Variants in DSCAM observed in about 807,000 individuals in gnomAD.
DSCAM encodes DS cell adhesion molecule, also known as cell adhesion molecule DSCAM.
Under a neutral mutation model 217.7 loss-of-function variants are expected in DSCAM, and 47 were observed. The observed-to-expected ratio is 0.22, with a 90% CI of 0.17 to 0.28. The LOEUF (loss-of-function observed/expected upper bound fraction) is 0.28. Ranked by LOEUF, DSCAM falls within the 10% of genes least tolerant of loss-of-function variation. The probability of loss-of-function intolerance (pLI) is 1.00; values close to 1 mark genes in which losing one functional copy is unlikely to be tolerated. For missense variants in DSCAM, 2,080 were observed against 2,618.3 expected (o/e 0.79, Z 4.49); for synonymous variants, 1,056 against 1,015.3 (o/e 1.04, Z -0.76).
chr21:40,242,338 T>C (rs1300194638), intron 11 of DSCAM, among the ~76,000 whole-genome samples: 8 of 152,204 alleles, frequency 5.3e-5, no homozygotes, highest in African/African-American at 1.7e-4. Flanking sequence ...GGGAAACTTG[T>C]TCTGCCTGGT....
chr21:40,384,943 C>T (rs1013561944), intron 3 of DSCAM: 4 of 152,140 alleles, frequency 2.6e-5, no homozygotes, highest in Non-Finnish European at 5.9e-5. Flanking sequence ...GTGTAATTTG[C>T]TTTATTTATT....
At chr21:40,548,333 AG>A (rs1472247552) in intron 3 of DSCAM, among the ~76,000 whole-genome samples, 1 of 152,036 alleles carries the variant, frequency 6.6e-6, no homozygotes, top group Non-Finnish European at 1.5e-5. Flanking sequence ...ACTCCTCCCA[AG>A]GGGGTTCGGC....
intron 3 of DSCAM, among the ~76,000 whole-genome samples, chr21:40,438,477 T>G (rs774483855): frequency 6.6e-6 from 1 of 152,086 alleles, no homozygotes; most frequent in African/African-American, 2.4e-5. Flanking sequence ...ATAAAGCAAA[T>G]GAACATTATA....
chr21:40,758,650 C>T (rs1457535396), intron 1 of DSCAM, among the ~76,000 whole-genome samples: 2 of 151,930 alleles, frequency 1.3e-5, no homozygotes, highest in Non-Finnish European at 2.9e-5. Flanking sequence ...TTCCTTTGAA[C>T]CCCTCAGGCC....
At chr21:40,598,785 G>A (rs1413497701) in intron 3 of DSCAM, among the ~76,000 whole-genome samples, 1 of 152,040 alleles carries the variant, frequency 6.6e-6, no homozygotes, top group East Asian at 1.9e-4. Context: ...TTACAGGCGT[G>A]AGCCACCGCG....
At chr21:40,766,570 A>T (rs952859228) in intron 1 of DSCAM, among the ~76,000 whole-genome samples, 1 of 150,984 alleles carries the variant, frequency 6.6e-6, no homozygotes, top group African/African-American at 2.4e-5. Context: ...CATCAGATGG[A>T]GAAAACACAG....
At chr21:40,114,934 G>A (rs1330583509) in intron 20 of DSCAM, among the ~76,000 whole-genome samples, 44 of 152,292 alleles carry the variant, frequency 2.9e-4, no homozygotes, top group East Asian at 2.3e-3. Flanking sequence ...GAGAGGATGT[G>A]GAGAAATAGG....
intron 1 of DSCAM, among the ~76,000 whole-genome samples, chr21:40,770,194 TAGACA>T (rs1333120089): frequency 1.3e-5 from 2 of 152,176 alleles, no homozygotes; most frequent in Admixed American, 6.5e-5. Context: ...ATTTCTTCCC[TAGACA>T]AAACAAAAAG....
chr21:40,512,772 C>G (rs1292211359), intron 3 of DSCAM, among the ~76,000 whole-genome samples: 2 of 151,946 alleles, frequency 1.3e-5, no homozygotes, highest in African/African-American at 2.4e-5. Context: ...CAAGGCCTCC[C>G]CCGAGACCCA....
chr21:40,489,547 G>A (rs768599153), intron 3 of DSCAM, among the ~76,000 whole-genome samples: 40 of 151,906 alleles, frequency 2.6e-4, no homozygotes, highest in Non-Finnish European at 5.1e-4. Context: ...GGCCGAGGCG[G>A]GCGGATCACG....
intron 3 of DSCAM, among the ~76,000 whole-genome samples, chr21:40,370,970 G>T (rs2074891768): frequency 6.6e-6 from 1 of 152,110 alleles, no homozygotes; most frequent in South Asian, 2.1e-4. Context: ...GAATTATCAT[G>T]AGTTAGGAGT....
At chr21:40,482,828 G>C (rs1424848857) in intron 3 of DSCAM, among the ~76,000 whole-genome samples, 1 of 152,182 alleles carries the variant, frequency 6.6e-6, no homozygotes, top group Non-Finnish European at 1.5e-5. Context: ...GTGTAAAATA[G>C]AGAAGGTGGA....
chr21:40,606,375 T>C (rs185080587), intron 3 of DSCAM, among the ~76,000 whole-genome samples: 26 of 152,340 alleles, frequency 1.7e-4, no homozygotes, highest in African/African-American at 4.8e-4. Context: ...AGATTTATAA[T>C]TCTTCCAGAG....
At chr21:40,643,089 G>T (rs528282456) in intron 3 of DSCAM, among the ~76,000 whole-genome samples, 69 of 152,200 alleles carry the variant, frequency 4.5e-4, no homozygotes, top group Non-Finnish European at 9.3e-4. Flanking sequence ...TGGCGGGGTG[G>T]GTAGATGAAG....
At chr21:40,512,504 G>A (rs2076267390) in intron 3 of DSCAM, among the ~76,000 whole-genome samples, 1 of 151,348 alleles carries the variant, frequency 6.6e-6, no homozygotes, top group South Asian at 2.1e-4. Context: ...TAGGAGAAGT[G>A]GGAGAGGAGA....
chr21:40,463,999 C>T (rs1184404386), intron 3 of DSCAM, among the ~76,000 whole-genome samples: 1 of 151,858 alleles, frequency 6.6e-6, no homozygotes, highest in Non-Finnish European at 1.5e-5. Context: ...CCATCTCATC[C>T]TTCCCCTCCA....
chr21:40,482,614 T>C (rs61344894), intron 3 of DSCAM, among the ~76,000 whole-genome samples: 41,904 of 152,122 alleles, frequency 0.28, 5,844 homozygotes, highest in Admixed American at 0.3. Flanking sequence ...TCATACTCTC[T>C]GGAGACATTT....
At chr21:40,545,539 A>C (rs1019795938) in intron 3 of DSCAM, among the ~76,000 whole-genome samples, 1 of 152,216 alleles carries the variant, frequency 6.6e-6, no homozygotes, top group Non-Finnish European at 1.5e-5. Context: ...GAAACCAGAC[A>C]GACCACAGAG....
At chr21:40,341,981 T>C (rs957657981) in intron 6 of DSCAM, among the ~76,000 whole-genome samples, 1 of 152,200 alleles carries the variant, frequency 6.6e-6, no homozygotes. Flanking sequence ...GTTGCTGAAA[T>C]TGGGTTTGTC....
Sources: gnomAD v4.1 joint callset for allele counts (sites outside exome capture counted in the v4.1 genomes callset) on GRCh38, gnomAD v4.1.1 for gene constraint, MANE v1.5 for transcripts, NCBI Gene and HGNC (gene_info 2026-07-23, HGNC 2026-07-21) for gene names.